Variants in SERGEF observed in about 807,000 individuals in gnomAD.
SERGEF encodes secretion regulating guanine nucleotide exchange factor, also known as secretion-regulating guanine nucleotide exchange factor.
Under a neutral mutation model 50.0 loss-of-function variants are expected in SERGEF, and 51 were observed. The observed-to-expected ratio is 1.02, with a 90% CI of 0.81 to 1.29. The LOEUF (loss-of-function observed/expected upper bound fraction) is 1.29. Among genes scored for constraint, SERGEF ranks in the 50% most tolerant of loss-of-function variants. The probability of loss-of-function intolerance (pLI) is 0.00; values close to 1 mark genes in which losing one functional copy is unlikely to be tolerated. For missense variants in SERGEF, 521 were observed against 557.0 expected, an observed-to-expected ratio of 0.94 and a Z score of 0.65; for synonymous variants, 205 against 212.4, an observed-to-expected ratio of 0.97 and a Z score of 0.30.
At chr11:17,882,189 G>C (rs1279186977) in intron 9 of SERGEF, among the ~76,000 whole-genome samples, 2 of 152,136 alleles carry the variant, frequency 1.3e-5, no homozygotes, top group African/African-American at 4.8e-5. Flanking sequence ...GCCAAGGCGG[G>C]GGGATCGTTT....
intron 8 of SERGEF, among the ~76,000 whole-genome samples, chr11:17,979,403 G>T (rs994878321): frequency 2.0e-5 from 3 of 152,112 alleles, no homozygotes; most frequent in Non-Finnish European, 4.4e-5. Flanking sequence ...CACCTGCAGG[G>T]TCTTCCATAA....
chr11:18,009,296 T>C (rs898435136), intron 1 of SERGEF, among the ~76,000 whole-genome samples: 6 of 151,924 alleles, frequency 3.9e-5, no homozygotes, highest in African/African-American at 1.5e-4. Flanking sequence ...ATGAGAAGAG[T>C]CCTAGGCATC....
rs140327559 is a variant in SERGEF at position 17,916,996 on chromosome 11, G to A, written c.1012-38752C>T. On this transcript the variant is annotated intron_variant, in intron 9 of 10. Coordinates refer to ENST00000265965, the MANE Select transcript of SERGEF (RefSeq NM_012139.4). Reference sequence around the variant, plus strand: ...ATGTAAACTAGTACAGCCACTACAGGAAACAGTGTGGAGATTCCTTAAAGA... The same window carrying A: ...ATGTAAACTAGTACAGCCACTACAGAAAACAGTGTGGAGATTCCTTAAAGA... 2.7e-3 allele frequency among the ~76,000 whole-genome samples: 418 copies of A among 152,282 alleles called. 1 individual carries two copies. Among genetic ancestry groups the A allele is most frequent in the African/African-American group, 9.3e-3 (386 of 41,554 alleles).
intron 10 of SERGEF, among the ~76,000 whole-genome samples, chr11:17,873,112 G>A (rs1851176137): frequency 6.6e-6 from 1 of 152,138 alleles, no homozygotes; most frequent in African/African-American, 2.4e-5. Flanking sequence ...CTATCTGGTG[G>A]CTTTAAAAAC....
intron 3 of SERGEF, among the ~76,000 whole-genome samples, chr11:18,005,685 A>G (rs1854058509): frequency 6.6e-6 from 1 of 152,200 alleles, no homozygotes; most frequent in Non-Finnish European, 1.5e-5. Context: ...GCAAAGCTGA[A>G]CAGAGAGGTC....
intron 10 of SERGEF, among the ~76,000 whole-genome samples, chr11:17,813,464 A>G (rs1849909706): frequency 6.6e-6 from 1 of 152,188 alleles, no homozygotes. Flanking sequence ...ACATTCTTCA[A>G]CTTTGGCAAA....
intron 9 of SERGEF, among the ~76,000 whole-genome samples, chr11:17,955,680 A>G (rs993390336): frequency 6.6e-6 from 1 of 152,198 alleles, no homozygotes; most frequent in African/African-American, 2.4e-5. Flanking sequence ...AGGGAGCAGG[A>G]GCACTCTCTT....
chr11:17,908,920 CCTGAGAGGTAAAA>C (rs1267341791), intron 9 of SERGEF, among the ~76,000 whole-genome samples: 1 of 152,140 alleles, frequency 6.6e-6, no homozygotes, highest in African/African-American at 2.4e-5. Flanking sequence ...AATCTCAGGG[CCTGAGAGGTAAAA>C]CTTCTTCTTG....
intron 9 of SERGEF, among the ~76,000 whole-genome samples, chr11:17,940,024 C>A (rs1173230653): frequency 6.6e-6 from 1 of 152,098 alleles, no homozygotes; most frequent in Non-Finnish European, 1.5e-5. Flanking sequence ...GAGGAAAGAG[C>A]CCCAGAAAAA....
rs907694257 is a variant in SERGEF at position 17,991,915 on chromosome 11, T to C, written c.685+1016A>G. On this transcript the variant is annotated intron_variant, in intron 7 of 10. Transcript: ENST00000265965. This position sits in a 1 kb window ranked among gnomAD's most constrained non-coding sequence, Gnocchi z 4.9. ...CCTCCTCTTTGCTTAAAAAATAGAA[T>C]ACATTCAACTCTGTGAGAGGTCTTA... Among the ~76,000 whole-genome samples, 1 of 152,168 alleles carries C rather than the reference T, an allele frequency of 6.6e-6. No individual in the cohort carries two copies. Among genetic ancestry groups the C allele is most frequent in the Non-Finnish European group, 1.5e-5 (1 of 68,032 alleles).
chr11:17,920,738 A>G (rs1852139436), intron 9 of SERGEF, among the ~76,000 whole-genome samples: 1 of 152,230 alleles, frequency 6.6e-6, no homozygotes, highest in Admixed American at 6.5e-5. Context: ...ACAAGACAGT[A>G]GACTTGGCCT....
At chr11:17,899,410 C>T (rs956722576) in intron 9 of SERGEF, among the ~76,000 whole-genome samples, 1 of 152,156 alleles carries the variant, frequency 6.6e-6, no homozygotes, top group African/African-American at 2.4e-5. Flanking sequence ...TTAATCCTTA[C>T]TAAAGCCCTA....
chr11:17,913,918 C>T (rs958038630), intron 9 of SERGEF, among the ~76,000 whole-genome samples: 2 of 152,204 alleles, frequency 1.3e-5, no homozygotes, highest in African/African-American at 2.4e-5. Context: ...AAGCCATCCT[C>T]CAAGGGCAGC....
At chr11:18,003,635 G>A (rs767165330) in intron 4 of SERGEF, among the ~76,000 whole-genome samples, 27 of 152,176 alleles carry the variant, frequency 1.8e-4, no homozygotes, top group Admixed American at 5.2e-4. Flanking sequence ...CCTGGGAGGC[G>A]GAGGTTGCAG....
chr11:18,008,809 C>T (rs1400179328), intron 1 of SERGEF, among the ~76,000 whole-genome samples: 1 of 151,766 alleles, frequency 6.6e-6, no homozygotes, highest in Admixed American at 6.6e-5. Flanking sequence ...TGAACTTCAG[C>T]CCCCAAATGA....
chr11:17,930,515 G>C (rs976146221), intron 9 of SERGEF, among the ~76,000 whole-genome samples: 1 of 152,198 alleles, frequency 6.6e-6, no homozygotes, highest in Non-Finnish European at 1.5e-5. Context: ...TGCAGCCATG[G>C]GGAGAAGATG....
At chr11:17,931,129 T>C (rs770272359) in intron 9 of SERGEF, among the ~76,000 whole-genome samples, 7 of 152,184 alleles carry the variant, frequency 4.6e-5, no homozygotes, top group Non-Finnish European at 1.0e-4. Context: ...TGCTTCTGTA[T>C]TTCAGGTATT....
intron 9 of SERGEF, among the ~76,000 whole-genome samples, chr11:17,906,143 C>G (rs1204983809): frequency 3.3e-5 from 5 of 152,156 alleles, no homozygotes; most frequent in African/African-American, 9.7e-5. Context: ...CTGACACTGT[C>G]AGAGGTGGAT....
rs576487219 is a variant in SERGEF at position 17,861,641 on chromosome 11, T to C, written c.1048+16567A>G. 2.6e-5 allele frequency among the ~76,000 whole-genome samples: 4 copies of C among 152,366 alleles called. No individual in the cohort carries two copies. In the South Asian group the frequency reaches 8.3e-4, roughly 32 times the overall value. Reference sequence around the variant, plus strand: ...ACATGAGGACCTACTGACACATGCATGCGTGCCGCAAGGGCTACACTGTGG... The same window carrying C: ...ACATGAGGACCTACTGACACATGCACGCGTGCCGCAAGGGCTACACTGTGG... On this transcript the variant is annotated intron_variant, in intron 10 of 10. Coordinates refer to ENST00000265965, the MANE Select transcript of SERGEF (RefSeq NM_012139.4).
Sources: gnomAD v4.1 joint callset for allele counts (sites outside exome capture counted in the v4.1 genomes callset) on GRCh38, gnomAD v4.1.1 for gene constraint, Gnocchi (gnomAD v3.1) non-coding constraint, MANE v1.5 for transcripts, NCBI Gene and HGNC (gene_info 2026-07-23, HGNC 2026-07-21) for gene names.